Variants in PC observed in about 807,000 individuals in gnomAD.
PC encodes pyruvate carboxylase.
Under a neutral mutation model 107.8 loss-of-function variants are expected in PC, and 46 were observed. The ratio of observed to expected loss-of-function variants is 0.43; its 90% confidence interval spans 0.34 to 0.55. PC has a LOEUF of 0.55. Ranked by LOEUF, PC falls within the 20% of genes least tolerant of loss-of-function variation. PC has a pLI of 0.04. For missense variants in PC, 1,241 were observed against 1,643.1 expected (o/e 0.76, Z 4.23); for synonymous variants, 662 against 684.7 (o/e 0.97, Z 0.52).
At chr11:66,853,719 G>T (rs1181224612) in intron 12 of PC, among the ~76,000 whole-genome samples, 1 of 152,188 alleles carries the variant, frequency 6.6e-6, no homozygotes, top group African/African-American at 2.4e-5. Context: ...CCTCGTCCAC[G>T]CTTCTCGAAA....
chr11:66,880,391 C>T (rs1182842559), intron 3 of PC, among the ~76,000 whole-genome samples: 1 of 152,150 alleles, frequency 6.6e-6, no homozygotes, highest in Admixed American at 6.5e-5. Context: ...TAGACCATTC[C>T]CCAAAGCCGA....
At position 66,849,825 on chromosome 11, in the gene PC, G is replaced by C; in HGVS notation, c.2933C>G (p.Pro978Arg). The change falls in exon 21 of 23, where the codon CCT becomes CGT. Residue 978 changes from proline to arginine, a missense_variant. Pro to Arg is a moderately radical substitution (Grantham distance 103). Around this residue, in one of 2 missense-constraint regions of PC, gnomAD observed 1,143 missense variants for 1,551.9 expected, o/e 0.74. Coordinates refer to ENST00000393960, the MANE Select transcript of PC (RefSeq NM_001040716.2). ...LKDLPRVEGR[P>R]GASLPPLDLQ... ...ATCCAGGGGAGGGAGGGAGGCTCCA[G>C]GCCGCCCCTCCACCCTTGGCAGGTC... is the stretch of plus-strand genomic sequence containing the variant. The C allele has an allele frequency of 6.2e-7, 1 of 1,613,864 alleles. No individual in the cohort carries two copies.
chr11:66,855,671 C>T (rs184449630), intron 12 of PC, among the ~76,000 whole-genome samples: 1 of 152,310 alleles, frequency 6.6e-6, no homozygotes, highest in East Asian at 1.9e-4. Context: ...TTGACCTGCA[C>T]CAGGACTGAA....
intron 3 of PC, among the ~76,000 whole-genome samples, chr11:66,907,349 G>T (rs968129822): frequency 6.6e-6 from 1 of 152,158 alleles, no homozygotes; most frequent in African/African-American, 2.4e-5. Context: ...CCAGCATGGT[G>T]AAACCCCGTC....
At chr11:66,867,097 A>T (rs1048052709) in intron 10 of PC, among the ~76,000 whole-genome samples, 1 of 152,156 alleles carries the variant, frequency 6.6e-6, no homozygotes, top group African/African-American at 2.4e-5. Flanking sequence ...AACAAACAAA[A>T]AAACCAGGCT....
At chr11:66,914,337 C>A (rs980807257) in intron 3 of PC, among the ~76,000 whole-genome samples, 1 of 151,982 alleles carries the variant, frequency 6.6e-6, no homozygotes, top group Admixed American at 6.6e-5. Flanking sequence ...TATGGTGAAA[C>A]CCCGTCTCTA....
At chr11:66,923,625 C>T (rs1420953615) in intron 3 of PC, among the ~76,000 whole-genome samples, 4 of 151,754 alleles carry the variant, frequency 2.6e-5, no homozygotes, top group Admixed American at 1.3e-4. Flanking sequence ...GTGATTCTCC[C>T]GCTTCAGTCA....
rs1228166786 is a variant in PC, at chr11:66,852,947, G to A, written c.1514-111C>T. ...AGGGACACATCCCTCCAGGATCCCC[G>A]GGCTTCCAGCTGGCCCCTGTCCTCT... On this transcript the variant is annotated intron_variant, in intron 13 of 22. Transcript: ENST00000393960. This position sits in a 1 kb window ranked among gnomAD's most constrained non-coding sequence, Gnocchi z 4.7. 40 of 886,718 alleles carry A rather than the reference G, an allele frequency of 4.5e-5. No homozygotes were observed. Among genetic ancestry groups the A allele is most frequent in the Admixed American group, 8.5e-5 (3 of 35,294 alleles). 54.9% of individuals were successfully genotyped at this position (886,718 alleles called of 1,614,324 possible).
chr11:66,922,445 G>A (rs1253972564), intron 3 of PC, among the ~76,000 whole-genome samples: 3 of 151,240 alleles, frequency 2.0e-5, no homozygotes, highest in Non-Finnish European at 4.4e-5. Context: ...GTGGTGGTGC[G>A]CGCCTGTAAT....
chr11:66,853,466 G>A (rs1945630042), intron 12 of PC, 83 bp from the exon 13 acceptor site: 3 of 1,516,620 alleles, frequency 2.0e-6, no homozygotes, highest in African/African-American at 1.4e-5. Flanking sequence ...AAGAGAAAAG[G>A]CTGAAGATGC....
rs1185625631 is a variant in PC at position 66,858,013 on chromosome 11, G to T, written c.1369-4630C>A. The T allele has an allele frequency of 6.2e-7, 1 of 1,612,124 alleles. No individual in the cohort carries two copies. The highest frequency in any genetic ancestry group is 1.3e-5 in the African/African-American group (1 of 74,918). ...AATGCCATCACCCGCATTGGGGCCC[G>T]CGCCTTTGGGGACCTCGAGAGCCTG... On this transcript the variant is annotated intron_variant, in intron 12 of 22. Coordinates refer to ENST00000393960, the MANE Select transcript of PC (RefSeq NM_001040716.2). The surrounding 1 kb of genome is among the most constrained non-coding windows in gnomAD (Gnocchi z 5.9).
intron 1 of PC, among the ~76,000 whole-genome samples, chr11:66,955,119 C>T (rs183407884): frequency 5.9e-5 from 9 of 152,332 alleles, no homozygotes; most frequent in Admixed American, 5.9e-4. Context: ...CCCTTCTCTC[C>T]TCACTGGTTC....
At chr11:66,895,472 T>C (rs911933925) in intron 3 of PC, among the ~76,000 whole-genome samples, 2 of 152,184 alleles carry the variant, frequency 1.3e-5, no homozygotes, top group African/African-American at 2.4e-5. Context: ...AAACCAACTA[T>C]GCAGGGAGAA....
rs1264264318 is a variant in PC, at chr11:66,871,199, T to G, written c.488-2A>C. On this transcript the variant is annotated splice_acceptor_variant, in intron 6 of 22. Coordinates refer to ENST00000393960, the MANE Select transcript of PC (RefSeq NM_001040716.2). LOFTEE classifies it high-confidence loss of function. The surrounding 1 kb of genome is among the most constrained non-coding windows in gnomAD (Gnocchi z 7.4). Reference sequence around the variant, plus strand: ...CTGTGCCAGGGACAACGGGAACACCTGTTGGGAGAAAGGTGTGGGGGAGTC... The same window carrying G: ...CTGTGCCAGGGACAACGGGAACACCGGTTGGGAGAAAGGTGTGGGGGAGTC... 1 of 1,612,912 alleles carries G rather than the reference T, an allele frequency of 6.2e-7. No homozygotes were observed. The highest frequency in any genetic ancestry group is 8.5e-7 in the Non-Finnish European group (1 of 1,179,242).
intron 3 of PC, among the ~76,000 whole-genome samples, chr11:66,885,141 C>T (rs1947314812): frequency 6.6e-6 from 1 of 152,076 alleles, no homozygotes. Context: ...GAATTGTGTC[C>T]CCCACCAAAA....
At chr11:66,937,463 C>A (rs74847067) in intron 3 of PC, among the ~76,000 whole-genome samples, 1 of 140,546 alleles carries the variant, frequency 7.1e-6, no homozygotes, top group African/African-American at 2.6e-5. Flanking sequence ...GATATTCATC[C>A]TCATTGGAGT....
Position 66,849,093 on chromosome 11 carries a change from G to A in PC, c.3343C>T (p.Pro1115Ser). 1 of 1,614,124 alleles carries A rather than the reference G, an allele frequency of 6.2e-7. No individual in the cohort carries two copies. The highest frequency in any genetic ancestry group is 8.5e-7 in the Non-Finnish European group (1 of 1,180,038). The change falls in exon 23 of 23, where the codon CCC becomes TCC. Residue 1115 changes from proline to serine, a missense_variant. Transcript: ENST00000393960. ...LKDVKGQIGA[P>S]MPGKVIDIKV... ...ATGTCTATCACCTTCCCAGGCATGG[G>A]CGCCCCGATCTGGCCCTTCACGTCC...
At chr11:66,889,294 C>T (rs1218579384) in intron 3 of PC, among the ~76,000 whole-genome samples, 1 of 151,716 alleles carries the variant, frequency 6.6e-6, no homozygotes, top group East Asian at 1.9e-4. Context: ...GGGAGGCACT[C>T]ATGGGGAGGG....
Position 66,877,054 on chromosome 11 carries a change from C to T in PC, c.1-4895G>A, listed in dbSNP as rs75116943. Among the ~76,000 whole-genome samples, 1,411 of 152,286 alleles carry T rather than the reference C, an allele frequency of 9.3e-3. 28 individuals carry two copies. Among genetic ancestry groups the T allele is most frequent in the African/African-American group, 0.031 (1,295 of 41,560 alleles). On this transcript the variant is annotated intron_variant, in intron 3 of 22. Coordinates refer to ENST00000393960, the MANE Select transcript of PC (RefSeq NM_001040716.2). Reference sequence around the variant, plus strand: ...CTGCTGAGCATCACGGCAGCTTCTCCGGGAAGCTGTTTGCAAAACTTATCA... The same window carrying T: ...CTGCTGAGCATCACGGCAGCTTCTCTGGGAAGCTGTTTGCAAAACTTATCA...
Sources: gnomAD v4.1 joint callset for allele counts (sites outside exome capture counted in the v4.1 genomes callset) on GRCh38, gnomAD v4.1.1 for gene constraint, gnomAD v4.1.1 regional missense constraint, Gnocchi (gnomAD v3.1) non-coding constraint, MANE v1.5 for transcripts, NCBI Gene and HGNC (gene_info 2026-07-23, HGNC 2026-07-21) for gene names.